GLIS3: variants seen among roughly 807,000 people sequenced by gnomAD.
The protein encoded by GLIS3 is zinc finger protein GLIS3.
Under a neutral mutation model 78.6 loss-of-function variants are expected in GLIS3, and 53 were observed. The ratio of observed to expected loss-of-function variants is 0.67; its 90% confidence interval spans 0.54 to 0.85. The LOEUF (loss-of-function observed/expected upper bound fraction) is 0.85. Ranked by LOEUF, GLIS3 falls within the 40% of genes least tolerant of loss-of-function variation. The probability of loss-of-function intolerance (pLI) is 0.00; values close to 1 mark genes in which losing one functional copy is unlikely to be tolerated. For synonymous variants in GLIS3, 684 were observed against 509.9 expected (o/e 1.34, Z -4.60); for missense variants, 1,703 against 1,231.1 (o/e 1.38, Z -5.74).
At chr9:4,298,296 G>A (rs758066897) in intron 1 of GLIS3, 2 of 449,546 alleles carry the variant, frequency 4.4e-6, no homozygotes, top group Admixed American at 2.4e-5. Flanking sequence ...GTTTCCTTTC[G>A]CTTCTCGCCT....
rs571633926 is a variant in GLIS3 at position 4,205,860 on chromosome 9, G to T, written c.389-79919C>A. On this transcript the variant is annotated intron_variant, in intron 2 of 10. Coordinates refer to ENST00000381971, the MANE Select transcript of GLIS3 (RefSeq NM_001042413.2). ...AGGGATAGGTAGACATATTAAATAT[G>T]GATGACTTCTCCTTTAAGAAATATG... 1.1e-4 allele frequency among the ~76,000 whole-genome samples: 17 copies of T among 152,318 alleles called. No homozygotes were observed. The South Asian group carries it at 2.3e-3, about 20-fold the overall frequency.
intron 6 of GLIS3, among the ~76,000 whole-genome samples, chr9:3,905,704 C>G (rs1391905015): frequency 6.6e-6 from 1 of 152,162 alleles, no homozygotes; most frequent in Non-Finnish European, 1.5e-5. Context: ...TGGTAACTTT[C>G]TGATCCTGAA....
chr9:4,472,662 C>G, the GLIS3 span, among the ~76,000 whole-genome samples: 1 of 151,934 alleles, frequency 6.6e-6, no homozygotes, highest in South Asian at 2.1e-4. Flanking sequence ...ATGTAAATGA[C>G]GAGTTAATGG....
intron 4 of GLIS3, among the ~76,000 whole-genome samples, chr9:3,980,883 A>C (rs1181391489): frequency 6.6e-6 from 1 of 152,136 alleles, no homozygotes; most frequent in Non-Finnish European, 1.5e-5. Context: ...CAGATAATTA[A>C]ATGCCAAAGT....
intron 4 of GLIS3, among the ~76,000 whole-genome samples, chr9:4,077,391 T>C (rs1302820205): frequency 1.3e-5 from 2 of 152,038 alleles, no homozygotes; most frequent in Non-Finnish European, 2.9e-5. Flanking sequence ...AACCAAAACA[T>C]CCATGCAGCA....
At chr9:4,062,860 C>A (rs942030553) in intron 4 of GLIS3, among the ~76,000 whole-genome samples, 8 of 151,366 alleles carry the variant, frequency 5.3e-5, no homozygotes, top group Admixed American at 1.3e-4. Flanking sequence ...ACCCAGGAGG[C>A]GGAGCTTGCA....
At chr9:4,121,887 G>T (rs1478159461) in intron 3 of GLIS3, among the ~76,000 whole-genome samples, 2 of 152,176 alleles carry the variant, frequency 1.3e-5, no homozygotes, top group Non-Finnish European at 2.9e-5. Context: ...AATGTGAATG[G>T]TTCCAAAGGA....
chr9:4,448,721 T>C, the GLIS3 span, among the ~76,000 whole-genome samples: 18 of 152,264 alleles, frequency 1.2e-4, no homozygotes, highest in Non-Finnish European at 1.8e-4. Context: ...AAAATCATTA[T>C]GTCCTTTTGA....
chr9:4,246,625 TATCCC>T, intron 2 of GLIS3, among the ~76,000 whole-genome samples: 1 of 152,344 alleles, frequency 6.6e-6, no homozygotes, highest in African/African-American at 2.4e-5. Flanking sequence ...TGGAGTTCAG[TATCCC>T]CACTAACTGC....
chr9:4,416,876 T>C, the GLIS3 span, among the ~76,000 whole-genome samples: 1 of 142,402 alleles, frequency 7.0e-6, no homozygotes, highest in Non-Finnish European at 1.5e-5. Context: ...TGGAGTGCAG[T>C]GGTGTGATCT....
chr9:4,334,304 G>T (rs1053611353), intron 2 of GLIS3, among the ~76,000 whole-genome samples: 6 of 152,132 alleles, frequency 3.9e-5, no homozygotes, highest in African/African-American at 1.2e-4. Flanking sequence ...ACAAATTACA[G>T]AGAGATCACA....
intron 4 of GLIS3, among the ~76,000 whole-genome samples, chr9:4,004,616 T>C (rs1248829199): frequency 6.6e-6 from 1 of 152,192 alleles, no homozygotes; most frequent in Non-Finnish European, 1.5e-5. Flanking sequence ...AGCATCTCTA[T>C]GGCATATCCA....
intron 7 of GLIS3, among the ~76,000 whole-genome samples, chr9:3,887,215 G>A (rs542118979): frequency 1.3e-5 from 2 of 152,132 alleles, no homozygotes; most frequent in Admixed American, 6.5e-5. Context: ...CAACTGGATC[G>A]GGTGGCTGTC....
At chr9:3,898,505 G>GA in intron 7 of GLIS3, 186 bp downstream of exon 7, 1 of 696,284 alleles carries the variant, frequency 1.4e-6, no homozygotes, top group South Asian at 1.6e-5. Context: ...TTCTTTATGA[G>GA]AAAAAACAAT....
At chr9:4,012,294 C>T (rs968185799) in intron 4 of GLIS3, among the ~76,000 whole-genome samples, 6 of 152,050 alleles carry the variant, frequency 3.9e-5, no homozygotes, top group African/African-American at 9.7e-5. Context: ...ATAAACAAAC[C>T]GATGAATTTC....
At chr9:4,327,109 A>T (rs1417728579) in intron 2 of GLIS3, among the ~76,000 whole-genome samples, 1 of 152,188 alleles carries the variant, frequency 6.6e-6, no homozygotes, top group Non-Finnish European at 1.5e-5. Context: ...AAAAAGTGGG[A>T]CAGGAGCTGA....
intron 7 of GLIS3, among the ~76,000 whole-genome samples, chr9:3,889,320 G>C (rs1432453176): frequency 2.6e-5 from 4 of 152,150 alleles, no homozygotes; most frequent in Admixed American, 6.6e-5. Context: ...CCATTTGAGG[G>C]CCACTACTTT....
At chr9:4,015,109 G>C (rs1330426635) in intron 4 of GLIS3, among the ~76,000 whole-genome samples, 2 of 152,206 alleles carry the variant, frequency 1.3e-5, no homozygotes, top group African/African-American at 4.8e-5. Context: ...ATGTGGATTT[G>C]ACCTAACCTG....
chr9:3,930,490 T>G (rs895741515), intron 6 of GLIS3, among the ~76,000 whole-genome samples: 1 of 152,200 alleles, frequency 6.6e-6, no homozygotes, highest in Non-Finnish European at 1.5e-5. Context: ...CAGTTAGTGC[T>G]TCAATAATCT....
Sources: gnomAD v4.1 joint callset for allele counts (sites outside exome capture counted in the v4.1 genomes callset) on GRCh38, gnomAD v4.1.1 for gene constraint, MANE v1.5 for transcripts, NCBI Gene and HGNC (gene_info 2026-07-23, HGNC 2026-07-21) for gene names.